The following ADGRV1 variants were observed in gnomAD, a reference collection of about 807,000 sequenced individuals.
ADGRV1 encodes the protein G-protein coupled receptor 98.
Under a neutral mutation model 596.2 loss-of-function variants are expected in ADGRV1, and 359 were observed. The observed-to-expected ratio is 0.60, with a 90% confidence interval of 0.55 to 0.66. The LOEUF is 0.66. Ranked by LOEUF, ADGRV1 falls within the 30% of genes least tolerant of loss-of-function variation. ADGRV1 has a pLI of 0.00. For missense variants in ADGRV1, 7,274 were observed against 7,575.6 expected (o/e 0.96, Z 1.48); for synonymous variants, 2,681 against 2,679.2 (o/e 1.00, Z -0.02).
At chr5:90,760,351 T>G (rs1240444784) in intron 58 of ADGRV1, among the ~76,000 whole-genome samples, 1 of 150,752 alleles carries the variant, frequency 6.6e-6, no homozygotes, top group Non-Finnish European at 1.5e-5. Context: ...ATCTTTTGAG[T>G]GGTCTATTGA....
In ADGRV1 at chr5:90,712,628, A is replaced by G. The variant is rs541808660; in HGVS notation, c.9184+200A>G. Among the ~76,000 whole-genome samples the G allele has an allele frequency of 1.3e-3, 193 of 152,290 alleles. 1 individual carries two copies. The highest frequency in any genetic ancestry group is 0.01 in the Middle Eastern group (3 of 294). ...TGTATGTTGGTGTATATATGCATGT[A>G]TGTAAAAGACAAAGTAGGTTGATAC... On this transcript the variant is annotated intron_variant, in intron 42 of 89. Coordinates refer to ENST00000405460, the MANE Select transcript of ADGRV1 (RefSeq NM_032119.4).
At chr5:90,798,765 G>T (rs917248552) in intron 70 of ADGRV1, among the ~76,000 whole-genome samples, 3 of 152,176 alleles carry the variant, frequency 2.0e-5, no homozygotes, top group African/African-American at 7.2e-5. Flanking sequence ...TGCAAGGCTG[G>T]TTCAACATAT....
chr5:90,653,906 A>C lies in ADGRV1; in HGVS notation c.4332A>C (p.Ala1444=). ...TCGAATTCTACCTGGATGGAAATGC[A>C]ATGCCCAGGGGAATCAAGAGTCTGA... is the stretch of plus-strand genomic sequence containing the variant. ...GIIEFYLDGN[A]MPRGIKSLKG... The change falls in exon 20 of 90, where the codon GCA becomes GCC. Residue 1444 remains alanine, a synonymous_variant. Coordinates refer to ENST00000405460, the MANE Select transcript of ADGRV1 (RefSeq NM_032119.4). The C allele has an allele frequency of 6.4e-7, 1 of 1,574,514 alleles. No individual in the cohort carries two copies. Among genetic ancestry groups the C allele is most frequent in the Non-Finnish European group, 8.6e-7 (1 of 1,158,768 alleles).
At chr5:90,794,783 G>A (rs925245539) in intron 70 of ADGRV1, among the ~76,000 whole-genome samples, 1 of 152,140 alleles carries the variant, frequency 6.6e-6, no homozygotes, top group Non-Finnish European at 1.5e-5. Context: ...TAGGTACCCG[G>A]TTCATCTCAC....
chr5:90,644,071 T>G, intron 14 of ADGRV1, 88 bp downstream of exon 14: 2 of 936,548 alleles, frequency 2.1e-6, no homozygotes, highest in Non-Finnish European at 3.1e-6. Context: ...ACTAGTTATT[T>G]CTAGTTGCTC....
At chr5:90,948,075 T>C (rs1193933661) in intron 83 of ADGRV1, among the ~76,000 whole-genome samples, 1 of 152,208 alleles carries the variant, frequency 6.6e-6, no homozygotes, top group East Asian at 1.9e-4. Flanking sequence ...AATTATGACT[T>C]ATTCTATGCA....
Position 90,716,512 on chromosome 5 carries a change from C to T in ADGRV1, c.9230C>T (p.Ser3077Leu). Residue 3077 changes from serine (S) to leucine (L), a missense_variant, in exon 43 of 90, where the codon TCA (serine) becomes TTA (leucine). Physicochemically the swap from Ser to Leu is moderately radical, Grantham distance 145 (BLOSUM62 -2). Coordinates refer to ENST00000405460, the MANE Select transcript of ADGRV1 (RefSeq NM_032119.4). ...AATGATGACGGCCCTGGAGTTCTAT[C>T]ATTTAACAACAGTGAGCACTTTTTC... ...LANDDGPGVL[S>L]FNNSEHFFLR... 6.2e-7 allele frequency: 1 copy of T among 1,608,552 alleles called. No homozygotes were observed. Among genetic ancestry groups the T allele is most frequent in the Non-Finnish European group, 8.5e-7 (1 of 1,176,706 alleles).
chr5:90,558,799 T>C lies in ADGRV1; in HGVS notation c.-97T>C. ...AGCCCTCCTCCTGATCCTGTAGTGG[T>C]AGTAAGAATCAGCAGCGCGGGCAAG... On this transcript the variant is annotated 5_prime_UTR_variant, in exon 1 of 90. Transcript: ENST00000405460. 8.5e-7 allele frequency: 1 copy of C among 1,171,436 alleles called. No individual in the cohort carries two copies. Among genetic ancestry groups the C allele is most frequent in the Non-Finnish European group, 1.2e-6 (1 of 800,974 alleles). 72.6% of individuals were successfully genotyped at this position (1,171,436 alleles called of 1,614,324 possible). A position where few individuals can be genotyped will look rare whatever the true frequency, so the allele number is the denominator to read the frequency against.
chr5:90,743,362 G>A (rs955527565), intron 50 of ADGRV1, among the ~76,000 whole-genome samples: 3 of 152,008 alleles, frequency 2.0e-5, no homozygotes, highest in Non-Finnish European at 4.4e-5. Flanking sequence ...ATATGTAAGA[G>A]TAAGGATATG....
At chr5:90,703,317 G>A (rs1284707572) in intron 34 of ADGRV1, among the ~76,000 whole-genome samples, 1 of 152,072 alleles carries the variant, frequency 6.6e-6, no homozygotes, top group African/African-American at 2.4e-5. Context: ...GAATTTACTT[G>A]TGTTACTATC....
chr5:90,779,884 A>C (rs1385970574), intron 64 of ADGRV1: 1 of 152,164 alleles, frequency 6.6e-6, no homozygotes, highest in Non-Finnish European at 1.5e-5. Context: ...TGTGAATATC[A>C]TGCTTTAAAA....
chr5:90,614,169 AAAAG>A (rs1763056796), intron 1 of ADGRV1: 4 of 367,806 alleles, frequency 1.1e-5, no homozygotes, highest in South Asian at 2.1e-5. Flanking sequence ...AAAAAAAAAA[AAAAG>A]AAAGTTGTCA....
In ADGRV1 at chr5:90,692,762, G is replaced by A. The variant is rs755161610; in HGVS notation, c.7109G>A (p.Cys2370Tyr). Reference sequence around the variant, plus strand: ...CAAGAGCCTCTGGAAAGAAGTTCCTGTGCTAATATAACTGTCAGGCGAAGG... The same window carrying A: ...CAAGAGCCTCTGGAAAGAAGTTCCTATGCTAATATAACTGTCAGGCGAAGG... ...RVQEPLERSS[C>Y]ANITVRRSGG... The change falls in exon 32 of 90, where the codon TGT becomes TAT. Residue 2370 changes from cysteine (C) to tyrosine (Y), a missense_variant. Physicochemically the swap from Cys to Tyr is radical, Grantham distance 194. Coordinates refer to ENST00000405460, the MANE Select transcript of ADGRV1 (RefSeq NM_032119.4). 2 of 1,601,984 alleles carry A rather than the reference G, an allele frequency of 1.2e-6. No homozygotes were observed. The highest frequency in any genetic ancestry group is 1.1e-5 in the South Asian group (1 of 88,516).
intron 21 of ADGRV1, among the ~76,000 whole-genome samples, chr5:90,668,472 C>G (rs551820524): frequency 6.6e-6 from 1 of 152,046 alleles, no homozygotes; most frequent in South Asian, 2.1e-4. Flanking sequence ...CTTCGGCTCC[C>G]GCATGGTGCG....
At chr5:90,915,913 T>C (rs1773310268) in intron 83 of ADGRV1, among the ~76,000 whole-genome samples, 1 of 152,234 alleles carries the variant, frequency 6.6e-6, no homozygotes, top group South Asian at 2.1e-4. Flanking sequence ...ATAATTTATT[T>C]GTTCATACTT....
In ADGRV1 at chr5:90,690,833, A is replaced by AGTTTAACTC; in HGVS notation, c.6744_6752dup (p.Phe2249_Ser2251dup). ...ACTAAACTTATTGTAGAGGAACCTG[A>AGTTTAACTC]GTTTAACTCAGTGAAGGTAAACCTG... On this transcript the variant is annotated inframe_insertion, in exon 31 of 90. Coordinates refer to ENST00000405460, the MANE Select transcript of ADGRV1 (RefSeq NM_032119.4). The AGTTTAACTC allele has an allele frequency of 6.2e-7, 1 of 1,602,186 alleles. No homozygotes were observed. Among genetic ancestry groups the AGTTTAACTC allele is most frequent in the South Asian group, 1.1e-5 (1 of 89,668 alleles).
chr5:91,024,238 G>A (rs1269413827), intron 85 of ADGRV1, among the ~76,000 whole-genome samples: 2 of 152,142 alleles, frequency 1.3e-5, no homozygotes, highest in African/African-American at 2.4e-5. Flanking sequence ...TGACTTTGAG[G>A]CAGAGGAGAA....
chr5:90,961,427 A>G (rs6874280), intron 83 of ADGRV1, among the ~76,000 whole-genome samples: 111,135 of 147,558 alleles, frequency 0.75, 42,623 homozygotes, highest in African/African-American at 0.89. Flanking sequence ...GGCGGAGGTT[A>G]CAGTGAGCCA....
chr5:91,015,237 T>C (rs1328122526), intron 85 of ADGRV1, among the ~76,000 whole-genome samples: 1 of 152,032 alleles, frequency 6.6e-6, no homozygotes, highest in Non-Finnish European at 1.5e-5. Context: ...GCACTGTGGT[T>C]TGAGAGTGTG....
Sources: allele counts gnomAD v4.1 joint callset (sites outside exome capture counted in the v4.1 genomes callset), GRCh38; gene constraint gnomAD v4.1.1; transcripts MANE v1.5; gene names NCBI Gene and HGNC (gene_info 2026-07-23, HGNC 2026-07-21).